The following TOM1L2 variants were observed in gnomAD, a reference collection of about 807,000 sequenced individuals.
TOM1L2 encodes TOM1-like protein 2.
TOM1L2 carries 31 observed loss-of-function variants against 67.9 expected under a neutral mutation model. The observed-to-expected ratio is 0.46, with a 90% CI of 0.34 to 0.62. TOM1L2 has a LOEUF of 0.62. Ranked by LOEUF, TOM1L2 falls within the 20% of genes least tolerant of loss-of-function variation. The pLI is 0.01. For missense variants in TOM1L2, 606 were observed against 663.5 expected, an observed-to-expected ratio of 0.91 and a Z score of 0.95; for synonymous variants, 256 against 254.0, an observed-to-expected ratio of 1.01 and a Z score of -0.07.
chr17:17,873,958 AT>A (rs570992376), intron 7 of TOM1L2, among the ~76,000 whole-genome samples: 4,327 of 140,896 alleles, frequency 0.031, 134 homozygotes, highest in African/African-American at 0.078. Context: ...TTACTTACTT[AT>A]TTTTTTTTTT....
chr17:17,867,101 CCT>C (rs547050540), intron 8 of TOM1L2, among the ~76,000 whole-genome samples, 177 bp from the exon 9 acceptor site: 126 of 152,212 alleles, frequency 8.3e-4, no homozygotes, highest in Non-Finnish European at 1.7e-3. Context: ...TGGGGCTCCC[CCT>C]GAGAGGATCA....
At chr17:17,897,402 C>CA (rs1218492150) in intron 3 of TOM1L2, among the ~76,000 whole-genome samples, 2 of 152,200 alleles carry the variant, frequency 1.3e-5, no homozygotes, top group Admixed American at 1.3e-4. Flanking sequence ...AAAATCCAAA[C>CA]AGGTTCTCTG....
intron 4 of TOM1L2, among the ~76,000 whole-genome samples, chr17:17,890,498 A>G (rs999075927): frequency 1.3e-5 from 2 of 152,230 alleles, no homozygotes; most frequent in Non-Finnish European, 2.9e-5. Flanking sequence ...AGTACCCCCA[A>G]ACTGCAAACA....
At chr17:17,879,439 CAG>C (rs1278460246) in intron 7 of TOM1L2, among the ~76,000 whole-genome samples, 186 bp downstream of exon 7, 1 of 152,158 alleles carries the variant, frequency 6.6e-6, no homozygotes, top group Non-Finnish European at 1.5e-5. Flanking sequence ...ATAAAAAAGA[CAG>C]ACAGTGGTAC....
chr17:17,904,913 G>A (rs1310704633), intron 2 of TOM1L2, among the ~76,000 whole-genome samples: 1 of 152,172 alleles, frequency 6.6e-6, no homozygotes, highest in African/African-American at 2.4e-5. Context: ...GACAGGCCTT[G>A]GCCACAGCCC....
At chr17:17,894,968 CATACATACA>C (rs2038486009) in intron 3 of TOM1L2, among the ~76,000 whole-genome samples, 1 of 150,022 alleles carries the variant, frequency 6.7e-6, no homozygotes, top group African/African-American at 2.4e-5. Flanking sequence ...TACATACATA[CATACATACA>C]TGCATGCATG....
intron 1 of TOM1L2, among the ~76,000 whole-genome samples, chr17:17,934,448 A>G (rs1479393021): frequency 7.9e-5 from 12 of 152,190 alleles, no homozygotes. Context: ...TCTCAAAAAT[A>G]AAAACCACAC....
chr17:17,962,910 G>A (rs368984208), intron 1 of TOM1L2, among the ~76,000 whole-genome samples: 2 of 151,390 alleles, frequency 1.3e-5, no homozygotes, highest in Non-Finnish European at 2.9e-5. Context: ...GCAATGAGCC[G>A]AGGTCGTGCC....
chr17:17,932,929 C>T (rs937605739), intron 1 of TOM1L2, among the ~76,000 whole-genome samples: 2 of 152,232 alleles, frequency 1.3e-5, no homozygotes, highest in South Asian at 2.1e-4. Flanking sequence ...TTTTTAATTG[C>T]ACAATATGTA....
chr17:17,955,346 T>TG (rs1266793082), intron 1 of TOM1L2, among the ~76,000 whole-genome samples: 6 of 146,750 alleles, frequency 4.1e-5, no homozygotes, highest in African/African-American at 1.0e-4. Context: ...TTTTTTTTTT[T>TG]TTTTGTTTTT....
rs181853250 is a variant in TOM1L2, at chr17:17,955,874, G to A, written c.52+16388C>T. On this transcript the variant is annotated intron_variant, in intron 1 of 14. Coordinates refer to ENST00000379504, the MANE Select transcript of TOM1L2 (RefSeq NM_001082968.2). ...TAGTCTCGCTGGCTTCAAGAGTGAAGCTGCAGACCTTCGCGGTGAGTGTTA... is the reference window on the plus strand; with the variant it reads ...TAGTCTCGCTGGCTTCAAGAGTGAAACTGCAGACCTTCGCGGTGAGTGTTA... Among the ~76,000 whole-genome samples, 26 of 152,290 alleles carry A rather than the reference G, an allele frequency of 1.7e-4. No individual in the cohort carries two copies. In the East Asian group the frequency reaches 4.8e-3, roughly 28 times the overall value.
Position 17,847,369 on chromosome 17 carries a change from G to A in TOM1L2, c.*266C>T, listed in dbSNP as rs545026865. ...TGCCTGGGGCTGGGCCACTCTGCCC[G>A]CTCTTCCTGGGAGGAAACATGGGCA... is the stretch of plus-strand genomic sequence containing the variant. On this transcript the variant is annotated 3_prime_UTR_variant, in exon 15 of 15. Coordinates refer to ENST00000379504, the MANE Select transcript of TOM1L2 (RefSeq NM_001082968.2). 171 of 507,684 alleles carry A rather than the reference G, an allele frequency of 3.4e-4. No individual in the cohort carries two copies. The highest frequency in any genetic ancestry group is 4.6e-4 in the Non-Finnish European group (131 of 285,942). The allele number at this position is 507,684 out of a possible 1,614,324, so 31.4% of individuals were successfully genotyped here.
chr17:17,876,128 C>T (rs1033273297), intron 7 of TOM1L2, among the ~76,000 whole-genome samples: 1 of 152,204 alleles, frequency 6.6e-6, no homozygotes, highest in African/African-American at 2.4e-5. Flanking sequence ...AGACAGAGGA[C>T]ACTGGATGAC....
At position 17,893,767 on chromosome 17, in the gene TOM1L2, A is replaced by T; in HGVS notation, c.260T>A (p.Ile87Asn). Residue 87 changes from isoleucine to asparagine, a missense_variant, in exon 4 of 15, where the codon ATC becomes AAC. Ile to Asn is a moderately radical substitution (Grantham distance 149, BLOSUM62 -3). This residue lies in a region of TOM1L2 where 543 missense variants were observed against 554.0 expected (regional missense o/e 0.98). Coordinates refer to ENST00000379504, the MANE Select transcript of TOM1L2 (RefSeq NM_001082968.2). ...GATGAAATCTCGGTTGGCCACAAGG[A>T]TGTGGAAGCGGTGGCCACAGTTCTT... ...CVKNCGHRFHILVANRDFIDS... is the reference protein window; with the variant it reads ...CVKNCGHRFHNLVANRDFIDS... 6.2e-7 allele frequency: 1 copy of T among 1,614,142 alleles called. No homozygotes were observed. Among genetic ancestry groups the T allele is most frequent in the Non-Finnish European group, 8.5e-7 (1 of 1,179,994 alleles).
In TOM1L2 at chr17:17,893,562, T is replaced by A. The variant is rs1245024383; in HGVS notation, c.366+99A>T. On this transcript the variant is annotated intron_variant, in intron 4 of 14. Transcript: ENST00000379504. ...AATATTTTAAATGTAGAAGTCTCCA[T>A]TTTTTTTTTCCTCCAAATGGTGGGA... 14 of 897,158 alleles carry A rather than the reference T, an allele frequency of 1.6e-5. 1 individual carries two copies. The South Asian group carries it at 2.9e-4, about 19-fold the overall frequency. The allele number at this position is 897,158 out of a possible 1,614,324, so 55.6% of individuals were successfully genotyped here.
intron 1 of TOM1L2, among the ~76,000 whole-genome samples, chr17:17,917,731 G>C (rs35991536): frequency 6.6e-6 from 1 of 151,862 alleles, no homozygotes; most frequent in South Asian, 2.1e-4. Flanking sequence ...AAGGTGGGAA[G>C]ACTGCTTGAG....
At position 17,848,811 on chromosome 17, in the gene TOM1L2, G is replaced by T; in HGVS notation, c.1375+12C>A. 6.2e-7 allele frequency: 1 copy of T among 1,613,972 alleles called. No homozygotes were observed. The highest frequency in any genetic ancestry group is 8.5e-7 in the Non-Finnish European group (1 of 1,179,938). On this transcript the variant is annotated intron_variant, in intron 14 of 14. Transcript: ENST00000379504. ...ACAAAAGGGGGCTGTAAGGCCACTG[G>T]CCAGGCCATACCTTCACTTGTGACA...
chr17:17,897,365 A>G (rs1035839540), intron 3 of TOM1L2, among the ~76,000 whole-genome samples: 2 of 152,200 alleles, frequency 1.3e-5, no homozygotes, highest in African/African-American at 4.8e-5. Context: ...AACTCTCTTA[A>G]TAAGTTTTGG....
At chr17:17,928,352 G>A (rs1399132466) in intron 1 of TOM1L2, among the ~76,000 whole-genome samples, 4 of 152,354 alleles carry the variant, frequency 2.6e-5, no homozygotes, top group African/African-American at 7.2e-5. Flanking sequence ...AAAACGCTAC[G>A]TGGCTTTTTA....
Sources: allele counts gnomAD v4.1 joint callset (sites outside exome capture counted in the v4.1 genomes callset), GRCh38; gene constraint gnomAD v4.1.1; regional missense constraint gnomAD v4.1.1; transcripts MANE v1.5; gene names NCBI Gene and HGNC (gene_info 2026-07-23, HGNC 2026-07-21).